Variants in UNC5C observed in about 807,000 individuals in gnomAD.
UNC5C encodes the protein netrin receptor UNC5C.
UNC5C carries 47 observed loss-of-function variants against 99.8 expected under a neutral mutation model. The ratio of observed to expected loss-of-function variants is 0.47; its 90% CI spans 0.37 to 0.60. The LOEUF is 0.60. UNC5C is among the 20% of genes least tolerant of loss of function. The probability of loss-of-function intolerance (pLI) is 0.00; values close to 1 mark genes in which losing one functional copy is unlikely to be tolerated. For synonymous variants in UNC5C, 487 were observed against 452.2 expected, an observed-to-expected ratio of 1.08 and a Z score of -0.98; for missense variants, 1,062 against 1,165.9, an observed-to-expected ratio of 0.91 and a Z score of 1.30.
intron 4 of UNC5C, among the ~76,000 whole-genome samples, chr4:95,259,495 GGTT>G (rs1194519701): frequency 1.3e-5 from 2 of 152,166 alleles, no homozygotes; most frequent in African/African-American, 4.8e-5. Flanking sequence ...CTCAATATTA[GGTT>G]ATAACTCTTC....
Position 95,185,210 on chromosome 4 carries a change from C to A in UNC5C, c.2137-14G>T. The A allele has an allele frequency of 6.3e-7, 1 of 1,593,972 alleles. No individual in the cohort carries two copies. The highest frequency in any genetic ancestry group is 8.5e-7 in the Non-Finnish European group (1 of 1,172,614). ...ATGTAAAATTTCCTATAATGACATG[C>A]CCCAAACCCAAAGCACGTTATTGAT... On this transcript the variant is annotated splice_polypyrimidine_tract_variant and intron_variant, in intron 12 of 15. Coordinates refer to ENST00000453304, the MANE Select transcript of UNC5C (RefSeq NM_003728.4).
At chr4:95,464,721 CT>C (rs2149472280) in intron 1 of UNC5C, among the ~76,000 whole-genome samples, 1 of 152,212 alleles carries the variant, frequency 6.6e-6, no homozygotes, top group African/African-American at 2.4e-5. Context: ...AAACAAATCA[CT>C]GTCTTATTTT....
intron 1 of UNC5C, among the ~76,000 whole-genome samples, chr4:95,432,070 A>C (rs1746650629): frequency 6.6e-6 from 1 of 152,142 alleles, no homozygotes; most frequent in Non-Finnish European, 1.5e-5. Flanking sequence ...ATTTTTTAAA[A>C]AGTTAAATTC....
chr4:95,197,099 A>T (rs993756404), intron 12 of UNC5C, among the ~76,000 whole-genome samples: 129 of 129,890 alleles, frequency 9.9e-4, no homozygotes, highest in Non-Finnish European at 1.7e-3. Context: ...TATAATATTT[A>T]TATATTATAT....
At chr4:95,534,449 TCA>T (rs912350826) in intron 1 of UNC5C, among the ~76,000 whole-genome samples, 30 of 152,172 alleles carry the variant, frequency 2.0e-4, no homozygotes, top group African/African-American at 7.0e-4. Context: ...AAAAGAAATG[TCA>T]CAGTGAACCA....
chr4:95,462,223 A>G (rs549524405), intron 1 of UNC5C, among the ~76,000 whole-genome samples: 1 of 152,262 alleles, frequency 6.6e-6, no homozygotes, highest in East Asian at 1.9e-4. Context: ...ATGTATGTGT[A>G]CACATATTAT....
chr4:95,477,112 A>G lies in UNC5C; in HGVS notation c.124+71622T>C, dbSNP rs1748173339. 2.0e-5 allele frequency among the ~76,000 whole-genome samples: 3 copies of G among 152,096 alleles called. No homozygotes were observed. The South Asian group carries it at 6.2e-4, about 31-fold the overall frequency. On this transcript the variant is annotated intron_variant, in intron 1 of 15. Coordinates refer to ENST00000453304, the MANE Select transcript of UNC5C (RefSeq NM_003728.4). ...TAAATAAAAATGTCTAAAGATAACC[A>G]TTAGGATGATTAAATTAGACTGCTT... is the stretch of plus-strand genomic sequence containing the variant.
intron 9 of UNC5C, among the ~76,000 whole-genome samples, chr4:95,218,204 T>A (rs1055261840): frequency 2.6e-5 from 4 of 152,184 alleles, no homozygotes; most frequent in Admixed American, 2.6e-4. Flanking sequence ...TTAGATAGAT[T>A]TAGAGAGGAA....
chr4:95,455,986 C>A (rs1747414801), intron 1 of UNC5C, among the ~76,000 whole-genome samples: 1 of 152,038 alleles, frequency 6.6e-6, no homozygotes. Context: ...TGAAAGCCAG[C>A]TGGATAGATG....
intron 1 of UNC5C, among the ~76,000 whole-genome samples, chr4:95,548,351 T>C (rs1165885332): frequency 2.6e-5 from 4 of 151,836 alleles, no homozygotes; most frequent in African/African-American, 9.7e-5. Flanking sequence ...GCATCTACGG[T>C]ATGTCACACA....
chr4:95,179,833 C>T (rs995380933), intron 14 of UNC5C, among the ~76,000 whole-genome samples: 2 of 151,348 alleles, frequency 1.3e-5, no homozygotes, highest in Non-Finnish European at 2.9e-5. Context: ...TCAGAGCTTT[C>T]AAGTAAAGCA....
intron 1 of UNC5C, among the ~76,000 whole-genome samples, chr4:95,394,721 G>A (rs755574065): frequency 3.3e-5 from 5 of 149,408 alleles, no homozygotes; most frequent in Non-Finnish European, 5.9e-5. Flanking sequence ...TCCTTTGTTA[G>A]TGTTCTTGCA....
chr4:95,470,832 C>T (rs1417280371), intron 1 of UNC5C, among the ~76,000 whole-genome samples: 1 of 151,996 alleles, frequency 6.6e-6, no homozygotes, highest in African/African-American at 2.4e-5. Context: ...CTTAGCTAAG[C>T]AGAAATTACT....
At chr4:95,333,597 G>A (rs559180935) in intron 2 of UNC5C, among the ~76,000 whole-genome samples, 2 of 151,588 alleles carry the variant, frequency 1.3e-5, no homozygotes, top group African/African-American at 2.4e-5. Flanking sequence ...GCGAGGGATA[G>A]CATTAGGAGA....
chr4:95,225,217 C>A lies in UNC5C; in HGVS notation c.1109-5041G>T, dbSNP rs116711945. ...GATTACAGGTGTGCACCACCATGTC[C>A]GGCTAATTTTGGTATTTTTACTAGA... On this transcript the variant is annotated intron_variant, in intron 7 of 15. Coordinates refer to ENST00000453304, the MANE Select transcript of UNC5C (RefSeq NM_003728.4). Among the ~76,000 whole-genome samples the A allele has an allele frequency of 6.1e-3, 923 of 152,150 alleles. 11 individuals carry two copies. The highest frequency in any genetic ancestry group is 0.021 in the African/African-American group (877 of 41,506).
intron 14 of UNC5C, among the ~76,000 whole-genome samples, chr4:95,179,818 A>G (rs898389103): frequency 6.6e-6 from 1 of 151,478 alleles, no homozygotes; most frequent in African/African-American, 2.4e-5. Context: ...ACCTTTTTTC[A>G]GGGTTCAGAG....
chr4:95,340,586 C>G (rs559555330), intron 1 of UNC5C, among the ~76,000 whole-genome samples: 1 of 152,226 alleles, frequency 6.6e-6, no homozygotes, highest in East Asian at 1.9e-4. Context: ...CATTTAAATT[C>G]AAGTCGTTGA....
chr4:95,444,533 G>T (rs1747040202), intron 1 of UNC5C, among the ~76,000 whole-genome samples: 1 of 151,910 alleles, frequency 6.6e-6, no homozygotes, highest in South Asian at 2.1e-4. Context: ...GGGTTTCACC[G>T]TGTTAGCCAG....
chr4:95,306,043 T>C lies in UNC5C; in HGVS notation c.347-4294A>G, dbSNP rs142274522. Among the ~76,000 whole-genome samples, 599 of 152,300 alleles carry C rather than the reference T, an allele frequency of 3.9e-3. 12 individuals carry two copies. The highest frequency in any genetic ancestry group is 0.027 in the Admixed American group (420 of 15,306). ...AATCCAATTAAATGATTACTTAAAA[T>C]AATATCTGTATTTCCCCAAAATGTA... is the stretch of plus-strand genomic sequence containing the variant. On this transcript the variant is annotated intron_variant, in intron 2 of 15. Transcript: ENST00000453304.
Sources: gnomAD v4.1 joint callset for allele counts (sites outside exome capture counted in the v4.1 genomes callset) on GRCh38, gnomAD v4.1.1 for gene constraint, MANE v1.5 for transcripts, NCBI Gene and HGNC (gene_info 2026-07-23, HGNC 2026-07-21) for gene names.